HOOK3: variants seen among roughly 807,000 people sequenced by gnomAD.
HOOK3 encodes the protein hook microtubule tethering protein 3.
HOOK3 carries 24 observed loss-of-function variants against 116.3 expected under a neutral mutation model. The ratio of observed to expected loss-of-function variants is 0.21; its 90% CI spans 0.15 to 0.29. The LOEUF (loss-of-function observed/expected upper bound fraction) is 0.29, where lower values mean the gene tolerates loss of function less well. HOOK3 is among the 10% of genes least tolerant of loss of function. The pLI, the probability that HOOK3 is intolerant of heterozygous loss-of-function variation, is 1.00. For synonymous variants in HOOK3, 275 were observed against 283.0 expected (o/e 0.97, Z 0.28); for missense variants, 632 against 830.2 (o/e 0.76, Z 2.93).
At chr8:42,902,406 G>A (rs1291718843) in intron 1 of HOOK3, among the ~76,000 whole-genome samples, 1 of 151,766 alleles carries the variant, frequency 6.6e-6, no homozygotes, top group Non-Finnish European at 1.5e-5. Context: ...TGAATAGCTG[G>A]GACTACAGGC....
At chr8:42,935,080 C>A (rs573295690) in intron 4 of HOOK3, among the ~76,000 whole-genome samples, 35 of 152,188 alleles carry the variant, frequency 2.3e-4, no homozygotes, top group Non-Finnish European at 4.7e-4. Context: ...TAATGATCGC[C>A]ATTCTAACTG....
intron 16 of HOOK3, among the ~76,000 whole-genome samples, chr8:42,998,406 G>GT (rs976164523): frequency 1.3e-5 from 2 of 152,080 alleles, no homozygotes; most frequent in East Asian, 1.9e-4. Flanking sequence ...CAGATGTTTT[G>GT]TTTTTTTCCT....
At chr8:42,966,002 T>G (rs945901418) in intron 9 of HOOK3, among the ~76,000 whole-genome samples, 2 of 152,188 alleles carry the variant, frequency 1.3e-5, no homozygotes, top group African/African-American at 2.4e-5. Context: ...GAAACAAATA[T>G]GAGAACCCAG....
intron 4 of HOOK3, among the ~76,000 whole-genome samples, chr8:42,941,412 G>A (rs1030208653): frequency 1.3e-5 from 2 of 150,668 alleles, no homozygotes; most frequent in African/African-American, 4.8e-5. Context: ...CAGCTACTCG[G>A]GAGGCTGAGG....
chr8:42,897,216 A>C, intron 1 of HOOK3, 28 bp downstream of exon 1: 1 of 1,229,008 alleles, frequency 8.1e-7, no homozygotes, highest in South Asian at 4.1e-5. Flanking sequence ...GCCGGCGGGA[A>C]GACCCCCTCC....
intron 4 of HOOK3, among the ~76,000 whole-genome samples, chr8:42,940,047 C>T (rs1808074517): frequency 6.6e-6 from 1 of 151,126 alleles, no homozygotes; most frequent in Non-Finnish European, 1.5e-5. Context: ...GGTGGGCGGC[C>T]AGGCAGAGAC....
intron 6 of HOOK3, among the ~76,000 whole-genome samples, chr8:42,953,255 T>TAAAAAAAA (rs71231878): frequency 9.3e-6 from 1 of 107,430 alleles, no homozygotes; most frequent in Non-Finnish European, 2.0e-5. Flanking sequence ...GAGTTTATCC[T>TAAAAAAAA]AAAAAAAAAA....
At chr8:42,919,696 C>G (rs1233249146) in intron 2 of HOOK3, among the ~76,000 whole-genome samples, 3 of 152,220 alleles carry the variant, frequency 2.0e-5, no homozygotes, top group African/African-American at 7.2e-5. Context: ...ATCCCGGCAC[C>G]TCGGGAGGCT....
At chr8:43,012,975 A>G (rs1809640780) in intron 19 of HOOK3, 76 bp from the exon 20 acceptor site, 1 of 870,724 alleles carries the variant, frequency 1.1e-6, no homozygotes, top group African/African-American at 1.7e-5. Flanking sequence ...TTTTAAAAAA[A>G]TAGTCATTCT....
intron 13 of HOOK3, among the ~76,000 whole-genome samples, chr8:42,975,891 G>C (rs1808816999): frequency 6.6e-6 from 1 of 152,076 alleles, no homozygotes; most frequent in Non-Finnish European, 1.5e-5. Context: ...ATTTTTAGTA[G>C]AGACAGGGTT....
intron 6 of HOOK3, 71 bp from the exon 7 acceptor site, chr8:42,957,023 C>A: frequency 1.3e-6 from 1 of 757,244 alleles, no homozygotes; most frequent in Non-Finnish European, 2.1e-6. Flanking sequence ...TATTCATTTT[C>A]TTATGTTAAG....
rs869113779 is a variant in HOOK3, at chr8:43,023,420, TC to T, written c.*4925del. The stretch of plus-strand genomic sequence containing the variant: ...TTCCTTCCTTCCTTCCTTCCTTCCT[TC>T]CCTTCTTTTCTTTTTTCTTTTCTTT... On this transcript the variant is annotated 3_prime_UTR_variant, in exon 22 of 22. Coordinates refer to ENST00000307602, the MANE Select transcript of HOOK3 (RefSeq NM_032410.4). The T allele has an allele frequency of 2.4e-5, 4 of 163,356 alleles. No homozygotes were observed. Among genetic ancestry groups the T allele is most frequent in the South Asian group, 2.2e-4 (1 of 4,556 alleles). 10.1% of individuals were successfully genotyped at this position (163,356 alleles called of 1,614,324 possible).
intron 11 of HOOK3, among the ~76,000 whole-genome samples, chr8:42,971,040 G>T (rs1808718168): frequency 6.6e-6 from 1 of 151,978 alleles, no homozygotes; most frequent in African/African-American, 2.4e-5. Flanking sequence ...TCCTGCCTCG[G>T]CCTCCCAAAG....
intron 21 of HOOK3, among the ~76,000 whole-genome samples, chr8:43,017,709 G>T (rs959661843): frequency 3.3e-5 from 5 of 152,158 alleles, no homozygotes; most frequent in African/African-American, 1.2e-4. Flanking sequence ...GTCAGGTAGT[G>T]CCCTGGAGGT....
intron 2 of HOOK3, among the ~76,000 whole-genome samples, chr8:42,910,888 G>C (rs1222513892): frequency 6.6e-6 from 1 of 152,168 alleles, no homozygotes; most frequent in African/African-American, 2.4e-5. Flanking sequence ...ACAATGTTAC[G>C]AAAGTTTACA....
chr8:42,936,290 C>T (rs2130373031), intron 4 of HOOK3, among the ~76,000 whole-genome samples: 1 of 152,262 alleles, frequency 6.6e-6, no homozygotes, highest in South Asian at 2.1e-4. Flanking sequence ...AGATTTTGGG[C>T]TGAGATGATG....
In HOOK3 at chr8:43,020,318, C is replaced by A. The variant is rs939711671; in HGVS notation, c.*1820C>A. ...GTAGGGCTTCAGGAGGCTACGCAGA[C>A]CTGATCAACTGCAAAGTTTCCAAAG... On this transcript the variant is annotated 3_prime_UTR_variant, in exon 22 of 22. Coordinates refer to ENST00000307602, the MANE Select transcript of HOOK3 (RefSeq NM_032410.4). 1 of 199,452 alleles carries A rather than the reference C, an allele frequency of 5.0e-6. No homozygotes were observed. The highest frequency in any genetic ancestry group is 2.3e-5 in the African/African-American group (1 of 43,456). The allele number at this position is 199,452 out of a possible 1,614,324, so 12.4% of individuals were successfully genotyped here.
intron 19 of HOOK3, 21 bp downstream of exon 19, chr8:43,010,426 C>A: frequency 3.1e-6 from 3 of 959,166 alleles, no homozygotes; most frequent in Non-Finnish European, 4.6e-6. Flanking sequence ...ATTTTGTAGG[C>A]ATCTCACTCT....
In HOOK3 at chr8:42,981,896, A is replaced by G. The variant is rs551311987; in HGVS notation, c.1322-731A>G. ...GAGACTCTGTCTCAAAAAAAAAAAAAAAAAGAATAAGGAATATTTTCTATA... is the reference window on the plus strand; with the variant it reads ...GAGACTCTGTCTCAAAAAAAAAAAAGAAAAGAATAAGGAATATTTTCTATA... On this transcript the variant is annotated intron_variant, in intron 13 of 21. Transcript: ENST00000307602. 6.6e-5 allele frequency among the ~76,000 whole-genome samples: 10 copies of G among 150,892 alleles called. No homozygotes were observed. In the East Asian group the frequency reaches 2.0e-3, roughly 30 times the overall value.
Sources: gnomAD v4.1 joint callset for allele counts (sites outside exome capture counted in the v4.1 genomes callset) on GRCh38, gnomAD v4.1.1 for gene constraint, MANE v1.5 for transcripts, NCBI Gene and HGNC (gene_info 2026-07-23, HGNC 2026-07-21) for gene names.